The following COLEC12 variants were observed in gnomAD, a reference collection of about 807,000 sequenced individuals.
COLEC12 encodes collectin subfamily member 12.
COLEC12 carries 33 observed loss-of-function variants against 71.1 expected under a neutral mutation model. The observed-to-expected ratio is 0.46, with a 90% confidence interval of 0.35 to 0.62. The LOEUF (loss-of-function observed/expected upper bound fraction) is 0.62, where lower values mean the gene tolerates loss of function less well. Among genes scored for constraint, COLEC12 ranks in the 20% least tolerant of loss-of-function variants. COLEC12 has a pLI of 0.00. For synonymous variants in COLEC12, 350 were observed against 353.0 expected (o/e 0.99, Z 0.10); for missense variants, 765 against 916.1 (o/e 0.84, Z 2.13).
intron 2 of COLEC12, among the ~76,000 whole-genome samples, chr18:361,213 T>C (rs1367250794): frequency 6.6e-6 from 1 of 152,126 alleles, no homozygotes; most frequent in Non-Finnish European, 1.5e-5. Context: ...CTCTAATCCA[T>C]AAAAGGACTG....
At chr18:470,026 T>C (rs1451940050) in intron 2 of COLEC12, among the ~76,000 whole-genome samples, 1 of 152,164 alleles carries the variant, frequency 6.6e-6, no homozygotes, top group African/African-American at 2.4e-5. Context: ...GGTGAATGTG[T>C]ATCAGAATTA....
At chr18:417,166 T>C (rs1271660055) in intron 2 of COLEC12, among the ~76,000 whole-genome samples, 2 of 152,112 alleles carry the variant, frequency 1.3e-5, no homozygotes, top group Non-Finnish European at 2.9e-5. Flanking sequence ...CAAACCTAGA[T>C]GTATAGCCTA....
At position 337,493 on chromosome 18, in the gene COLEC12, C is replaced by A. The variant is rs879799564; in HGVS notation, c.1328-2263G>T. ...CGTAAGGCTACCCATATCTTGCTCA[C>A]AGATTTATAAGCAGGACCCTCTTCC... On this transcript the variant is annotated intron_variant, in intron 5 of 9. Transcript: ENST00000400256. 2.0e-5 allele frequency among the ~76,000 whole-genome samples: 3 copies of A among 152,358 alleles called. No individual in the cohort carries two copies. The South Asian group carries it at 6.2e-4, about 32-fold the overall frequency.
At chr18:332,674 C>T (rs1463535564) in intron 7 of COLEC12, among the ~76,000 whole-genome samples, 1 of 152,178 alleles carries the variant, frequency 6.6e-6, no homozygotes, top group Non-Finnish European at 1.5e-5. Context: ...CCACTCCATC[C>T]CTACAGTGTT....
At chr18:345,081 C>T (rs1046966009) in intron 5 of COLEC12, among the ~76,000 whole-genome samples, 2 of 152,200 alleles carry the variant, frequency 1.3e-5, no homozygotes, top group African/African-American at 2.4e-5. Context: ...TTGTGTAATC[C>T]CTTCCCCTTG....
In COLEC12 at chr18:318,565, T is replaced by TC. The variant is rs1241851759; in HGVS notation, c.*1479dup. ...TGGAGTGCAGTGGTGCGATCTTGGCTCACTGCAATCTCTGCCTCCTGGGCT... is the reference window on the plus strand; with the variant it reads ...TGGAGTGCAGTGGTGCGATCTTGGCTCCACTGCAATCTCTGCCTCCTGGGCT... On this transcript the variant is annotated 3_prime_UTR_variant, in exon 10 of 10. Coordinates refer to ENST00000400256, the MANE Select transcript of COLEC12 (RefSeq NM_130386.3). 22 of 142,038 alleles carry TC rather than the reference T, an allele frequency of 1.5e-4. No individual in the cohort carries two copies. The highest frequency in any genetic ancestry group is 2.6e-4 in the Non-Finnish European group (17 of 66,646). The allele number at this position is 142,038 out of a possible 1,614,324, so 8.8% of individuals were successfully genotyped here.
intron 2 of COLEC12, among the ~76,000 whole-genome samples, chr18:365,192 G>T (rs1914828506): frequency 6.6e-6 from 1 of 152,222 alleles, no homozygotes; most frequent in Non-Finnish European, 1.5e-5. Flanking sequence ...CAGGCCTGAT[G>T]CTTCTGCCGG....
At chr18:386,750 C>G (rs1475687265) in intron 2 of COLEC12, among the ~76,000 whole-genome samples, 1 of 152,240 alleles carries the variant, frequency 6.6e-6, no homozygotes, top group African/African-American at 2.4e-5. Flanking sequence ...CCTCAGTTTT[C>G]TCACTTACGG....
chr18:495,755 GCATT>G, intron 1 of COLEC12, among the ~76,000 whole-genome samples: 1 of 152,316 alleles, frequency 6.6e-6, no homozygotes, highest in African/African-American at 2.4e-5. Flanking sequence ...GGACTTGAAT[GCATT>G]ATTAGGGCAT....
intron 8 of COLEC12, among the ~76,000 whole-genome samples, 184 bp from the exon 9 acceptor site, chr18:321,991 T>G (rs531748704): frequency 6.6e-5 from 10 of 152,192 alleles, no homozygotes; most frequent in Non-Finnish European, 1.3e-4. Flanking sequence ...TGCAGAGTAA[T>G]GCATAATGCG....
intron 5 of COLEC12, among the ~76,000 whole-genome samples, chr18:338,984 ATTTTTT>A (rs33991062): frequency 6.9e-6 from 1 of 144,490 alleles, no homozygotes; most frequent in African/African-American, 2.6e-5. Flanking sequence ...TATTGTCTTA[ATTTTTT>A]TTTTTTTTTT....
intron 2 of COLEC12, among the ~76,000 whole-genome samples, chr18:417,166 T>G (rs1271660055): frequency 6.6e-6 from 1 of 152,112 alleles, no homozygotes; most frequent in Non-Finnish European, 1.5e-5. Flanking sequence ...CAAACCTAGA[T>G]GTATAGCCTA....
chr18:415,574 T>G (rs963243116), intron 2 of COLEC12, among the ~76,000 whole-genome samples: 1 of 152,210 alleles, frequency 6.6e-6, no homozygotes, highest in Admixed American at 6.5e-5. Flanking sequence ...GACTAATATT[T>G]GTATCCCCTA....
intron 9 of COLEC12, among the ~76,000 whole-genome samples, chr18:320,627 A>G (rs1157260540): frequency 2.0e-5 from 3 of 152,266 alleles, no homozygotes; most frequent in African/African-American, 4.8e-5. Context: ...CACCCATTTA[A>G]AGCATATAAT....
chr18:343,560 C>A (rs1411031620), intron 5 of COLEC12, among the ~76,000 whole-genome samples: 9 of 152,066 alleles, frequency 5.9e-5, no homozygotes. Flanking sequence ...AGCAGATCAT[C>A]TCAACACCTT....
At chr18:496,721 C>A (rs1229556507) in intron 1 of COLEC12, among the ~76,000 whole-genome samples, 1 of 152,188 alleles carries the variant, frequency 6.6e-6, no homozygotes, top group Non-Finnish European at 1.5e-5. Flanking sequence ...AAATAAGCAG[C>A]TGAACACTGT....
intron 2 of COLEC12, among the ~76,000 whole-genome samples, chr18:454,343 A>T (rs1294293857): frequency 6.6e-6 from 1 of 151,992 alleles, no homozygotes; most frequent in Admixed American, 6.6e-5. Flanking sequence ...TCCCACTCCC[A>T]CATGACCTCC....
At chr18:338,642 T>C (rs1914172685) in intron 5 of COLEC12, among the ~76,000 whole-genome samples, 1 of 152,230 alleles carries the variant, frequency 6.6e-6, no homozygotes, top group African/African-American at 2.4e-5. Flanking sequence ...GGTAGACTTT[T>C]TGCTGCCAGA....
chr18:328,175 T>G (rs2143420195), intron 8 of COLEC12, among the ~76,000 whole-genome samples: 1 of 152,310 alleles, frequency 6.6e-6, no homozygotes, highest in South Asian at 2.1e-4. Flanking sequence ...GTCATCCAAT[T>G]TGTTGGTGAA....
Sources: gnomAD v4.1 joint callset for allele counts (sites outside exome capture counted in the v4.1 genomes callset) on GRCh38, gnomAD v4.1.1 for gene constraint, MANE v1.5 for transcripts, NCBI Gene and HGNC (gene_info 2026-07-23, HGNC 2026-07-21) for gene names.